Variants in DNAAF9 observed in about 807,000 individuals in gnomAD.
DNAAF9 encodes dynein axonemal assembly factor 9.
A neutral mutation model predicts 167.0 loss-of-function variants in DNAAF9; 90 were observed. That is an observed-to-expected ratio of 0.54 (90% confidence interval 0.45 to 0.64). DNAAF9 has a LOEUF of 0.64. DNAAF9 is among the 30% of genes least tolerant of loss of function. The pLI is 0.00. For synonymous variants in DNAAF9, 491 were observed against 508.8 expected, an observed-to-expected ratio of 0.96 and a Z score of 0.47; for missense variants, 1,315 against 1,442.2, an observed-to-expected ratio of 0.91 and a Z score of 1.43.
At chr20:3,280,165 A>T (rs1456835820) in intron 28 of DNAAF9, among the ~76,000 whole-genome samples, 1 of 152,216 alleles carries the variant, frequency 6.6e-6, no homozygotes, top group Non-Finnish European at 1.5e-5. Context: ...GGCTGGAACA[A>T]GGGAAGATAC....
chr20:3,358,601 G>A (rs990588205), intron 7 of DNAAF9, among the ~76,000 whole-genome samples: 1 of 152,096 alleles, frequency 6.6e-6, no homozygotes, highest in East Asian at 1.9e-4. Context: ...TTTTGAATAC[G>A]TAGATTCAAA....
rs1244506824 is a variant in DNAAF9 at position 3,375,064 on chromosome 20, G to C, written c.471C>G (p.Asp157Glu). 1 of 1,610,880 alleles carries C rather than the reference G, an allele frequency of 6.2e-7. No individual in the cohort carries two copies. Among genetic ancestry groups the C allele is most frequent in the Admixed American group, 1.7e-5 (1 of 60,014 alleles). The change falls in exon 5 of 37, where the codon GAC (aspartate) becomes GAG (glutamate). Residue 157 changes from aspartate to glutamate, a missense_variant. Asp to Glu is a conservative substitution (Grantham distance 45). Coordinates refer to ENST00000252032, the MANE Select transcript of DNAAF9 (RefSeq NM_001009984.3). ...KITSFVDMVR[D>E]CSRIGIPYSS... ...TGTAAGGAATGCCAATTCTACTACA[G>C]TCTCGAACCATGTCCACAAAGCTGG...
intron 6 of DNAAF9, among the ~76,000 whole-genome samples, chr20:3,361,555 T>C (rs757601887): frequency 6.6e-6 from 1 of 152,154 alleles, no homozygotes; most frequent in Admixed American, 6.5e-5. Flanking sequence ...AATGACTGTG[T>C]GATGTGTCTT....
intron 10 of DNAAF9, among the ~76,000 whole-genome samples, chr20:3,334,624 C>T (rs745306496): frequency 3.3e-5 from 5 of 152,184 alleles, no homozygotes; most frequent in Non-Finnish European, 7.4e-5. Context: ...TAAGGAAATG[C>T]CAAACTGTCT....
intron 6 of DNAAF9, among the ~76,000 whole-genome samples, chr20:3,372,219 C>G (rs2083519700): frequency 2.6e-5 from 4 of 152,222 alleles, no homozygotes; most frequent in Admixed American, 2.6e-4. Flanking sequence ...ATCAGGCCAT[C>G]AGAGTGGAGT....
intron 26 of DNAAF9, among the ~76,000 whole-genome samples, chr20:3,289,261 T>C (rs906610752): frequency 4.6e-5 from 7 of 152,168 alleles, no homozygotes; most frequent in Non-Finnish European, 1.0e-4. Flanking sequence ...GTTGTGCACA[T>C]GTATTCTAAA....
intron 3 of DNAAF9, among the ~76,000 whole-genome samples, chr20:3,377,653 T>C (rs1340659491): frequency 6.6e-6 from 1 of 151,430 alleles, no homozygotes; most frequent in Non-Finnish European, 1.5e-5. Context: ...AGAGACAGGG[T>C]TTTGCCATGT....
intron 32 of DNAAF9, 90 bp downstream of exon 32, chr20:3,259,832 G>T: frequency 1.3e-6 from 1 of 789,796 alleles, no homozygotes; most frequent in Non-Finnish European, 2.2e-6. Flanking sequence ...AAGACATACA[G>T]CACATAGAAT....
At position 3,340,617 on chromosome 20, in the gene DNAAF9, G is replaced by C. The variant is rs763112270; in HGVS notation, c.868C>G (p.Leu290Val). ...ENSPNRQPFV[L>V]FGNHSTRENL... is the part of the protein sequence containing the mutation. ...TCTCGTGTGGAGTGATTACCAAAGA[G>C]AACAAATGGCTGCCGGTTAGGGCTA... The change falls in exon 10 of 37, where the codon CTC becomes GTC. Residue 290 changes from leucine to valine, a missense_variant. Coordinates refer to ENST00000252032, the MANE Select transcript of DNAAF9 (RefSeq NM_001009984.3). The C allele has an allele frequency of 6.2e-7, 1 of 1,614,004 alleles. No individual in the cohort carries two copies. Among genetic ancestry groups the C allele is most frequent in the Non-Finnish European group, 8.5e-7 (1 of 1,179,916 alleles).
chr20:3,377,127 T>G (rs550146437), intron 3 of DNAAF9, among the ~76,000 whole-genome samples: 4 of 152,112 alleles, frequency 2.6e-5, no homozygotes, highest in African/African-American at 9.7e-5. Context: ...TGGGCTAAGA[T>G]AAGCGGTTGT....
chr20:3,297,856 A>G (rs1414431078), intron 22 of DNAAF9, among the ~76,000 whole-genome samples, 173 bp downstream of exon 22: 1 of 152,184 alleles, frequency 6.6e-6, no homozygotes, highest in African/African-American at 2.4e-5. Context: ...CTCATTGCCA[A>G]CAGCACCACT....
chr20:3,376,123 C>G (rs1003652047), intron 4 of DNAAF9, 55 bp downstream of exon 4: 32 of 1,519,110 alleles, frequency 2.1e-5, no homozygotes, highest in Non-Finnish European at 2.8e-5. Context: ...CAACACTTTC[C>G]TTAAAGAGTA....
chr20:3,330,787 TAC>T, intron 11 of DNAAF9, 105 bp from the exon 12 acceptor site: 2 of 554,628 alleles, frequency 3.6e-6, no homozygotes, highest in Non-Finnish European at 3.1e-6. Context: ...TGTCAAGAAC[TAC>T]ACTTTTTTTT....
chr20:3,338,014 T>A (rs912762758), intron 10 of DNAAF9, among the ~76,000 whole-genome samples: 1 of 147,914 alleles, frequency 6.8e-6, no homozygotes, highest in Non-Finnish European at 1.5e-5. Flanking sequence ...ATACATATTA[T>A]ATATTACGTT....
intron 7 of DNAAF9, among the ~76,000 whole-genome samples, chr20:3,350,162 C>CAG (rs1481497967): frequency 2.7e-5 from 4 of 150,272 alleles, no homozygotes; most frequent in East Asian, 3.9e-4. Context: ...CACAGACACA[C>CAG]ACACACACAC....
intron 12 of DNAAF9, among the ~76,000 whole-genome samples, chr20:3,329,480 C>T (rs1206364099): frequency 6.6e-6 from 1 of 152,174 alleles, no homozygotes; most frequent in Non-Finnish European, 1.5e-5. Context: ...AATTAAGATA[C>T]TAATGGGTAG....
At chr20:3,329,569 T>A (rs571178912) in intron 12 of DNAAF9, among the ~76,000 whole-genome samples, 1 of 152,340 alleles carries the variant, frequency 6.6e-6, no homozygotes, top group African/African-American at 2.4e-5. Context: ...TTATATTTCT[T>A]CTATTATATT....
At chr20:3,269,672 C>T (rs1416116539) in intron 30 of DNAAF9, among the ~76,000 whole-genome samples, 1 of 151,980 alleles carries the variant, frequency 6.6e-6, no homozygotes, top group Non-Finnish European at 1.5e-5. Context: ...TAAAGCACTT[C>T]GGCCAGGCGT....
Position 3,374,117 on chromosome 20 carries a change from T to C in DNAAF9, c.543A>G (p.Lys181=). 6.2e-7 allele frequency: 1 copy of C among 1,613,716 alleles called. No individual in the cohort carries two copies. Among genetic ancestry groups the C allele is most frequent in the Non-Finnish European group, 8.5e-7 (1 of 1,179,614 alleles). The change falls in exon 6 of 37, where the codon AAA becomes AAG. Residue 181 remains lysine, a synonymous_variant. Coordinates refer to ENST00000252032, the MANE Select transcript of DNAAF9 (RefSeq NM_001009984.3). The part of the protein sequence containing the change: ...LQIFDMFVVE[K]WPIVQAFALE... ...GTGCAAAGGCCTGTACAATTGGCCA[T>C]TTCTCCACCACAAACATATCAAATA...
Sources: allele counts gnomAD v4.1 joint callset (sites outside exome capture counted in the v4.1 genomes callset), GRCh38; gene constraint gnomAD v4.1.1; transcripts MANE v1.5; gene names NCBI Gene and HGNC (gene_info 2026-07-23, HGNC 2026-07-21).